The following SDK2 variants were observed in gnomAD, a reference collection of about 807,000 sequenced individuals.
The protein encoded by SDK2 is protein sidekick-2.
In SDK2, 105 loss-of-function variants were observed where a neutral mutation model predicts 253.9. That is an observed-to-expected ratio of 0.41 (90% CI 0.35 to 0.49). The LOEUF (loss-of-function observed/expected upper bound fraction) is 0.49. Ranked by LOEUF, SDK2 falls within the 20% of genes least tolerant of loss-of-function variation. SDK2 has a pLI of 0.06. For missense variants in SDK2, 2,608 were observed against 3,003.0 expected, an observed-to-expected ratio of 0.87 and a Z score of 3.07; for synonymous variants, 1,249 against 1,234.9, an observed-to-expected ratio of 1.01 and a Z score of -0.24.
chr17:73,355,251 A>G (rs1168487602), intron 40 of SDK2, among the ~76,000 whole-genome samples: 4 of 141,288 alleles, frequency 2.8e-5, no homozygotes, highest in Admixed American at 7.2e-5. Flanking sequence ...ATCTCAGCTC[A>G]CTGCAACCTC....
At chr17:73,348,370 T>C (rs1212781223) in intron 44 of SDK2, among the ~76,000 whole-genome samples, 1 of 152,166 alleles carries the variant, frequency 6.6e-6, no homozygotes, top group Non-Finnish European at 1.5e-5. Context: ...TTCTTCGGGG[T>C]ACCCCCTATG....
chr17:73,441,137 G>C (rs1481921833), intron 5 of SDK2, among the ~76,000 whole-genome samples: 1 of 152,084 alleles, frequency 6.6e-6, no homozygotes, highest in Non-Finnish European at 1.5e-5. Context: ...CAGGGTCCAA[G>C]GAGAGACATC....
At chr17:73,462,233 G>T (rs902800687) in intron 3 of SDK2, among the ~76,000 whole-genome samples, 1 of 151,838 alleles carries the variant, frequency 6.6e-6, no homozygotes, top group Admixed American at 6.6e-5. Context: ...ATAGATGGTT[G>T]TATGTATGTA....
At chr17:73,628,035 G>C (rs1347365817) in intron 1 of SDK2, among the ~76,000 whole-genome samples, 2 of 152,236 alleles carry the variant, frequency 1.3e-5, no homozygotes, top group Admixed American at 6.5e-5. Context: ...CTGGGCGACA[G>C]AGCGAGACTC....
chr17:73,515,865 T>G (rs2064022341), intron 1 of SDK2, among the ~76,000 whole-genome samples: 1 of 152,162 alleles, frequency 6.6e-6, no homozygotes, highest in Non-Finnish European at 1.5e-5. Context: ...GTGAAACAGA[T>G]GGAAACTCCT....
At chr17:73,376,575 G>T (rs1419817286) in intron 36 of SDK2, among the ~76,000 whole-genome samples, 1 of 152,182 alleles carries the variant, frequency 6.6e-6, no homozygotes, top group Non-Finnish European at 1.5e-5. Context: ...ATCCACAGTT[G>T]CCGCTCAGGT....
intron 15 of SDK2, among the ~76,000 whole-genome samples, chr17:73,421,153 C>A (rs372551066): frequency 7.2e-5 from 11 of 152,332 alleles, no homozygotes; most frequent in African/African-American, 2.4e-4. Flanking sequence ...TCCCTGTCCT[C>A]CCTCCAGTGG....
Position 73,534,046 on chromosome 17 carries a change from G to GCTC in SDK2, c.65-26452_65-26450dup, listed in dbSNP as rs1004554158. 9.2e-5 allele frequency among the ~76,000 whole-genome samples: 14 copies of GCTC among 151,770 alleles called. No homozygotes were observed. The highest frequency in any genetic ancestry group is 1.9e-4 in the African/African-American group (8 of 41,430). On this transcript the variant is annotated intron_variant, in intron 1 of 44. Transcript: ENST00000392650. The surrounding 1 kb of genome is among the most constrained non-coding windows in gnomAD (Gnocchi z 4.9). Reference sequence around the variant, plus strand: ...CGCCATTCTGCTCCGCCTGCTCCCTGCTCCTCCTCCTCCTCCTCCTTCCCC... The same window carrying GCTC: ...CGCCATTCTGCTCCGCCTGCTCCCTGCTCCTCCTCCTCCTCCTCCTCCTTCCCC...
chr17:73,452,927 C>T (rs2063499191), intron 4 of SDK2, among the ~76,000 whole-genome samples: 1 of 152,192 alleles, frequency 6.6e-6, no homozygotes, highest in African/African-American at 2.4e-5. Flanking sequence ...TAAGAAACAT[C>T]CATGCTAAGA....
chr17:73,346,378 T>C lies in SDK2; in HGVS notation c.6165+2221A>G, dbSNP rs143783577. Among the ~76,000 whole-genome samples the C allele has an allele frequency of 3.2e-3, 493 of 152,202 alleles. 2 individuals carry two copies. Among genetic ancestry groups the C allele is most frequent in the African/African-American group, 0.011 (475 of 41,530 alleles). On this transcript the variant is annotated intron_variant, in intron 44 of 44. Coordinates refer to ENST00000392650, the MANE Select transcript of SDK2 (RefSeq NM_001144952.2). ...CATTGGCTCGGAATTTCTTTTCCAT[T>C]GAGATTTACTTGTGTGCTAAGTATA... is the stretch of plus-strand genomic sequence containing the variant.
intron 19 of SDK2, 23 bp from the exon 20 acceptor site, chr17:73,401,775 A>G: frequency 6.4e-7 from 1 of 1,550,704 alleles, no homozygotes; most frequent in Non-Finnish European, 8.7e-7. Flanking sequence ...AGGAACCCCC[A>G]CCCCCCAAGG....
chr17:73,401,997 G>A lies in SDK2; in HGVS notation c.2629C>T (p.Pro877Ser). The stretch of plus-strand genomic sequence containing the variant: ...GGGGTGCTGCGTGGCCCGTCCCCGG[G>A]GGTGGTGAAACACAGCACTGAGGTG... The part of the protein sequence containing the change: ...YFTSVLCFTT[P>S]GDGPRSTPQL... Residue 877 changes from proline (P) to serine (S), a missense_variant, in exon 19 of 45, where the codon CCC becomes TCC. Coordinates refer to ENST00000392650, the MANE Select transcript of SDK2 (RefSeq NM_001144952.2). The A allele has an allele frequency of 6.2e-7, 1 of 1,613,768 alleles. No individual in the cohort carries two copies. Among genetic ancestry groups the A allele is most frequent in the Non-Finnish European group, 8.5e-7 (1 of 1,179,806 alleles).
In SDK2 at chr17:73,435,428, C is replaced by T; in HGVS notation, c.1195+22G>A. Reference sequence around the variant, plus strand: ...CCTGGGAAGAGGGGCTCACGGGCAGCACAAGGGAAGGCCCAACTTACTGGT... The same window carrying T: ...CCTGGGAAGAGGGGCTCACGGGCAGTACAAGGGAAGGCCCAACTTACTGGT... On this transcript the variant is annotated intron_variant, in intron 9 of 44. Transcript: ENST00000392650. The surrounding 1 kb of genome is among the most constrained non-coding windows in gnomAD (Gnocchi z 5.7). 1 of 1,570,474 alleles carries T rather than the reference C, an allele frequency of 6.4e-7. No homozygotes were observed. The highest frequency in any genetic ancestry group is 8.6e-7 in the Non-Finnish European group (1 of 1,156,384).
chr17:73,370,149 G>A (rs1459523665), intron 36 of SDK2, among the ~76,000 whole-genome samples: 2 of 152,214 alleles, frequency 1.3e-5, no homozygotes, highest in Admixed American at 6.5e-5. Flanking sequence ...GTGAGAAAGA[G>A]CTAATAAAAG....
At chr17:73,436,811 T>C (rs2063373535) in intron 8 of SDK2, among the ~76,000 whole-genome samples, 1 of 152,120 alleles carries the variant, frequency 6.6e-6, no homozygotes, top group Non-Finnish European at 1.5e-5. Context: ...TGTCATAATT[T>C]AATTGGCTGC....
chr17:73,364,682 C>T (rs1599486897), intron 38 of SDK2, among the ~76,000 whole-genome samples: 3 of 152,118 alleles, frequency 2.0e-5, no homozygotes, highest in Non-Finnish European at 2.9e-5. Flanking sequence ...AGTGCAGTGG[C>T]GTGATCCCGG....
At chr17:73,514,389 A>T (rs1338566033) in intron 1 of SDK2, among the ~76,000 whole-genome samples, 1 of 152,202 alleles carries the variant, frequency 6.6e-6, no homozygotes, top group African/African-American at 2.4e-5. Flanking sequence ...AAATGGCCCC[A>T]TACAGAAGCC....
intron 44 of SDK2, among the ~76,000 whole-genome samples, chr17:73,348,188 C>T (rs114603342): frequency 0.016 from 2,421 of 152,312 alleles, 72 homozygotes; most frequent in African/African-American, 0.056. Context: ...TGTTTTGATG[C>T]GTGAGTAGTG....
At chr17:73,557,269 T>C (rs1028119903) in intron 1 of SDK2, among the ~76,000 whole-genome samples, 17 of 152,198 alleles carry the variant, frequency 1.1e-4, no homozygotes, top group African/African-American at 4.1e-4. Context: ...TGCCAAGGCT[T>C]ACCTCAAAGG....
Sources: allele counts gnomAD v4.1 joint callset (sites outside exome capture counted in the v4.1 genomes callset), GRCh38; gene constraint gnomAD v4.1.1; non-coding constraint Gnocchi (gnomAD v3.1); transcripts MANE v1.5; gene names NCBI Gene and HGNC (gene_info 2026-07-23, HGNC 2026-07-21).